The following AGBL4 variants were observed in gnomAD, a reference collection of about 807,000 sequenced individuals.
AGBL4 encodes AGBL carboxypeptidase 4, also known as cytosolic carboxypeptidase 6.
Under a neutral mutation model 66.4 loss-of-function variants are expected in AGBL4, and 58 were observed. That is an observed-to-expected ratio of 0.87 (90% CI 0.71 to 1.09). The LOEUF is 1.09. Among genes scored for constraint, AGBL4 ranks in the 50% least tolerant of loss-of-function variants. The pLI is 0.00. For synonymous variants in AGBL4, 234 were observed against 222.9 expected (o/e 1.05, Z -0.44); for missense variants, 579 against 631.0 (o/e 0.92, Z 0.88).
Position 49,557,212 on chromosome 1 carries a change from C to A in AGBL4, c.282+140101G>T, listed in dbSNP as rs934993737. ...AGTGCTGCCAGAGCGGACGCTGAGG[C>A]CTGAGGAGGTGCTGAGAGCGAGCGA... is the stretch of plus-strand genomic sequence containing the variant. On this transcript the variant is annotated intron_variant, in intron 3 of 13. Transcript: ENST00000371839. Among the ~76,000 whole-genome samples, 4 of 152,226 alleles carry A rather than the reference C, an allele frequency of 2.6e-5. No homozygotes were observed. In the East Asian group the frequency reaches 5.8e-4, roughly 22 times the overall value.
intron 1 of AGBL4, among the ~76,000 whole-genome samples, chr1:49,950,994 ATAC>A (rs1012049561): frequency 6.6e-5 from 10 of 151,848 alleles, no homozygotes; most frequent in Non-Finnish European, 5.9e-5. Context: ...AGAAAGACAA[ATAC>A]TGCAGGATCA....
intron 1 of AGBL4, among the ~76,000 whole-genome samples, chr1:49,978,924 G>A (rs957169969): frequency 2.6e-5 from 4 of 152,112 alleles, no homozygotes; most frequent in African/African-American, 9.7e-5. Context: ...TCAACAACAT[G>A]GGTTTGGACT....
intron 3 of AGBL4, among the ~76,000 whole-genome samples, chr1:49,287,284 A>C (rs1311580622): frequency 2.1e-5 from 3 of 143,918 alleles, no homozygotes; most frequent in Non-Finnish European, 3.0e-5. Context: ...AGGCATTACC[A>C]TTCAGGACAT....
chr1:49,530,270 AAAC>A lies in AGBL4; in HGVS notation c.282+167040_282+167042del, dbSNP rs1399552521. 6.8e-4 allele frequency among the ~76,000 whole-genome samples: 98 copies of A among 143,290 alleles called. 14 individuals carry two copies. The highest frequency in any genetic ancestry group is 2.2e-3 in the African/African-American group (84 of 37,930). The allele number at this position is 143,290 out of a possible 152,430, so 94.0% of individuals were successfully genotyped here. A position where few individuals can be genotyped will look rare whatever the true frequency, so the allele number is the denominator to read the frequency against. On this transcript the variant is annotated intron_variant, in intron 3 of 13. Transcript: ENST00000371839. ...TCAAGTAGAATTTGTAAAAAAAAAA[AAAC>A]AAAAAAAAACTCTATGAGTTTTTTT...
intron 4 of AGBL4, among the ~76,000 whole-genome samples, chr1:49,175,571 G>C (rs945899345): frequency 3.9e-5 from 6 of 152,052 alleles, no homozygotes; most frequent in African/African-American, 1.2e-4. Flanking sequence ...AATGACAGGA[G>C]TAGTGATAAG....
At chr1:49,443,003 T>G (rs1201981987) in intron 3 of AGBL4, among the ~76,000 whole-genome samples, 1 of 152,162 alleles carries the variant, frequency 6.6e-6, no homozygotes, top group Admixed American at 6.5e-5. Context: ...TCATTATGAT[T>G]TTAATTTGCA....
intron 5 of AGBL4, among the ~76,000 whole-genome samples, chr1:48,875,797 G>C (rs759535288): frequency 2.6e-5 from 4 of 152,214 alleles, no homozygotes; most frequent in Admixed American, 6.5e-5. Flanking sequence ...CACAACAGCC[G>C]TTTGAGGCAG....
intron 1 of AGBL4, among the ~76,000 whole-genome samples, chr1:50,021,918 G>GT (rs1662473488): frequency 6.6e-6 from 1 of 152,114 alleles, no homozygotes. Context: ...TGGCTTCAGC[G>GT]TACCTCTTCT....
chr1:49,306,380 A>G (rs572552582), intron 3 of AGBL4, among the ~76,000 whole-genome samples: 2 of 152,294 alleles, frequency 1.3e-5, no homozygotes, highest in East Asian at 3.9e-4. Flanking sequence ...TTTGGGCTTC[A>G]TGCTTATTGA....
intron 2 of AGBL4, among the ~76,000 whole-genome samples, chr1:49,737,353 T>G (rs1649980694): frequency 6.6e-6 from 1 of 151,600 alleles, no homozygotes; most frequent in Non-Finnish European, 1.5e-5. Flanking sequence ...TACTCAGAAA[T>G]AAAAAAAATA....
intron 1 of AGBL4, among the ~76,000 whole-genome samples, chr1:49,878,420 C>T (rs543554874): frequency 1.1e-4 from 17 of 151,370 alleles, no homozygotes; most frequent in African/African-American, 3.9e-4. Flanking sequence ...GTTATGTACC[C>T]AGTAGTCATT....
chr1:49,719,563 G>T (rs1648431226), intron 2 of AGBL4, among the ~76,000 whole-genome samples: 1 of 152,104 alleles, frequency 6.6e-6, no homozygotes, highest in Non-Finnish European at 1.5e-5. Flanking sequence ...TAGTCACCTT[G>T]CGTCACTGTA....
intron 3 of AGBL4, among the ~76,000 whole-genome samples, chr1:49,612,972 G>A (rs1222750575): frequency 2.0e-5 from 3 of 151,962 alleles, no homozygotes; most frequent in African/African-American, 7.3e-5. Flanking sequence ...GCAAAAACAT[G>A]GAATCAACTT....
chr1:49,561,663 T>C (rs940021447), intron 3 of AGBL4, among the ~76,000 whole-genome samples: 12 of 152,156 alleles, frequency 7.9e-5, no homozygotes, highest in African/African-American at 2.2e-4. Flanking sequence ...CTGCATAGTA[T>C]TCCATGGTGT....
At chr1:49,742,122 C>T (rs1011749672) in intron 2 of AGBL4, among the ~76,000 whole-genome samples, 3 of 152,146 alleles carry the variant, frequency 2.0e-5, no homozygotes, top group African/African-American at 7.2e-5. Flanking sequence ...TCCCTGTTTG[C>T]AGATGACATG....
chr1:49,489,414 C>T (rs893635889), intron 3 of AGBL4, among the ~76,000 whole-genome samples: 2 of 151,568 alleles, frequency 1.3e-5, no homozygotes, highest in Non-Finnish European at 3.0e-5. Context: ...GTTTTCCCTG[C>T]TTATATATTC....
At chr1:48,765,622 A>G (rs1268085096) in intron 6 of AGBL4, among the ~76,000 whole-genome samples, 2 of 152,238 alleles carry the variant, frequency 1.3e-5, no homozygotes, top group South Asian at 4.1e-4. Flanking sequence ...ACAAATGTTC[A>G]TAACAGCATT....
At chr1:48,624,611 AGAG>A (rs1309916525) in intron 9 of AGBL4, among the ~76,000 whole-genome samples, 2 of 152,328 alleles carry the variant, frequency 1.3e-5, no homozygotes, top group East Asian at 3.9e-4. Flanking sequence ...CAACTGCTCA[AGAG>A]GTTCTCACTG....
chr1:49,782,433 T>A (rs1026517244), intron 2 of AGBL4, among the ~76,000 whole-genome samples: 1 of 152,130 alleles, frequency 6.6e-6, no homozygotes, highest in Non-Finnish European at 1.5e-5. Flanking sequence ...TATGAATGCA[T>A]CTATAGATGA....
Sources: allele counts gnomAD v4.1 joint callset (sites outside exome capture counted in the v4.1 genomes callset), GRCh38; gene constraint gnomAD v4.1.1; transcripts MANE v1.5; gene names NCBI Gene and HGNC (gene_info 2026-07-23, HGNC 2026-07-21).